Variants in RBFOX1 observed in about 807,000 individuals in gnomAD.
The protein encoded by RBFOX1 is RNA binding protein fox-1 homolog 1.
RBFOX1 carries 8 observed loss-of-function variants against 57.7 expected under a neutral mutation model. The observed-to-expected ratio is 0.14, with a 90% confidence interval of 0.08 to 0.25. RBFOX1 has a LOEUF of 0.25. RBFOX1 is among the 10% of genes least tolerant of loss of function. The pLI is 1.00. For missense variants in RBFOX1, 611 were observed against 548.5 expected (o/e 1.11, Z -1.14); for synonymous variants, 326 against 222.4 (o/e 1.47, Z -4.15).
intron 3 of RBFOX1, among the ~76,000 whole-genome samples, chr16:5,749,742 C>G (rs2053122686): frequency 6.6e-6 from 1 of 152,160 alleles, no homozygotes; most frequent in Admixed American, 6.6e-5. Context: ...CTTCTCTACA[C>G]TGGTTATTCT....
At chr16:5,276,610 C>G (rs755498254) in intron 1 of RBFOX1, among the ~76,000 whole-genome samples, 1 of 152,024 alleles carries the variant, frequency 6.6e-6, no homozygotes, top group Non-Finnish European at 1.5e-5. Flanking sequence ...TGGTGAAACC[C>G]CGTCTCTACT....
intron 1 of RBFOX1, among the ~76,000 whole-genome samples, chr16:5,372,822 T>A (rs2151375665): frequency 6.6e-6 from 1 of 152,308 alleles, no homozygotes; most frequent in South Asian, 2.1e-4. Flanking sequence ...ACCCGCACAA[T>A]ACCATCTCAT....
At chr16:6,219,151 G>T (rs1017358668) in intron 1 of RBFOX1, among the ~76,000 whole-genome samples, 2 of 152,182 alleles carry the variant, frequency 1.3e-5, no homozygotes, top group African/African-American at 4.8e-5. Context: ...TATATGTCTA[G>T]CACCAGCCCT....
chr16:5,771,937 G>T (rs1022059043), intron 3 of RBFOX1, among the ~76,000 whole-genome samples: 2 of 152,192 alleles, frequency 1.3e-5, no homozygotes, highest in Non-Finnish European at 2.9e-5. Context: ...ACTTTGGGAG[G>T]TCGAGGGGGG....
At chr16:5,909,727 C>G (rs1421289051) in intron 4 of RBFOX1, among the ~76,000 whole-genome samples, 1 of 152,148 alleles carries the variant, frequency 6.6e-6, no homozygotes, top group Non-Finnish European at 1.5e-5. Context: ...GGAACAAGCC[C>G]AGCCCTGGTA....
chr16:6,637,139 A>G (rs1401154475), intron 2 of RBFOX1, among the ~76,000 whole-genome samples: 7 of 92,812 alleles, frequency 7.5e-5, no homozygotes, highest in African/African-American at 3.3e-4. Context: ...TATATATTAA[A>G]TATATAATAT....
Position 6,160,310 on chromosome 16 carries a change from G to A in RBFOX1, c.-127+140318G>A, listed in dbSNP as rs141050485. On this transcript the variant is annotated intron_variant, in intron 1 of 15. Transcript: ENST00000550418. ...GAGGTGTATGCAACATGATATTGTA[G>A]GATATATATAGATAGTAAAGTGGTT... Among the ~76,000 whole-genome samples the A allele has an allele frequency of 4.2e-3, 636 of 152,168 alleles. 1 individual carries two copies. The highest frequency in any genetic ancestry group is 0.015 in the African/African-American group (619 of 41,492).
At chr16:7,008,312 C>T (rs920300189) in intron 3 of RBFOX1, among the ~76,000 whole-genome samples, 1 of 152,058 alleles carries the variant, frequency 6.6e-6, no homozygotes, top group Non-Finnish European at 1.5e-5. Context: ...GAGACTGAGG[C>T]AGGTGGATCA....
chr16:6,789,642 G>C (rs1410330494), intron 3 of RBFOX1, among the ~76,000 whole-genome samples: 1 of 152,278 alleles, frequency 6.6e-6, no homozygotes, highest in African/African-American at 2.4e-5. Context: ...TTACATTTGT[G>C]TGCATTGGTG....
intron 3 of RBFOX1, among the ~76,000 whole-genome samples, chr16:6,888,879 A>C (rs905872311): frequency 5.9e-5 from 9 of 152,104 alleles, no homozygotes; most frequent in Non-Finnish European, 1.0e-4. Flanking sequence ...CCTCCTCCCC[A>C]AAAAAGAATT....
chr16:7,340,287 T>G (rs2096868348), intron 4 of RBFOX1, among the ~76,000 whole-genome samples: 1 of 152,210 alleles, frequency 6.6e-6, no homozygotes, highest in African/African-American at 2.4e-5. Flanking sequence ...CCCCATAACT[T>G]TGCACACACC....
In RBFOX1 at chr16:7,706,501, A is replaced by G. The variant is rs73498765; in HGVS notation, c.996-2555A>G. Reference sequence around the variant, plus strand: ...AAAAGGTGGGAGCTACGCTTTTATTAAATACATTCAAATTGCCCATATAGT... The same window carrying G: ...AAAAGGTGGGAGCTACGCTTTTATTGAATACATTCAAATTGCCCATATAGT... On this transcript the variant is annotated intron_variant, in intron 14 of 15. Coordinates refer to ENST00000550418, the MANE Select transcript of RBFOX1 (RefSeq NM_018723.4). Among the ~76,000 whole-genome samples the G allele has an allele frequency of 5.3e-5, 8 of 152,228 alleles. No homozygotes were observed. The East Asian group carries it at 7.7e-4, about 15-fold the overall frequency.
chr16:5,950,660 C>A (rs1460240050), intron 4 of RBFOX1, among the ~76,000 whole-genome samples: 1 of 152,220 alleles, frequency 6.6e-6, no homozygotes, highest in African/African-American at 2.4e-5. Context: ...TTTGCACTTA[C>A]CTGGCCAAGC....
chr16:6,836,698 A>G (rs896707418), intron 3 of RBFOX1, among the ~76,000 whole-genome samples: 2 of 152,182 alleles, frequency 1.3e-5, no homozygotes, highest in Non-Finnish European at 2.9e-5. Context: ...TGTGTGGACT[A>G]TGATAGCTCC....
At chr16:5,975,194 C>G (rs7202522) in intron 4 of RBFOX1, among the ~76,000 whole-genome samples, 11,801 of 152,192 alleles carry the variant, frequency 0.078, 640 homozygotes, top group African/African-American at 0.16. Flanking sequence ...GCTGACTCCT[C>G]TTTCTCGATG....
chr16:7,618,445 C>A (rs2058805907), intron 10 of RBFOX1, among the ~76,000 whole-genome samples: 1 of 152,022 alleles, frequency 6.6e-6, no homozygotes, highest in Admixed American at 6.5e-5. Context: ...GTGCCTAGGA[C>A]AAAGGCTATT....
chr16:5,832,795 C>T (rs1447771510), intron 3 of RBFOX1, among the ~76,000 whole-genome samples: 1 of 152,182 alleles, frequency 6.6e-6, no homozygotes, highest in East Asian at 1.9e-4. Context: ...GTTCTGGAAG[C>T]TGACTTTCCT....
intron 3 of RBFOX1, among the ~76,000 whole-genome samples, chr16:5,739,731 A>G (rs2052708685): frequency 6.6e-6 from 1 of 152,208 alleles, no homozygotes; most frequent in African/African-American, 2.4e-5. Context: ...TGGGACAGGA[A>G]ATCCTGTGTT....
chr16:6,896,271 A>G (rs1472018920), intron 3 of RBFOX1, among the ~76,000 whole-genome samples: 3 of 152,206 alleles, frequency 2.0e-5, no homozygotes, highest in Admixed American at 6.5e-5. Flanking sequence ...AAAACAAAAC[A>G]TAAAACAGTT....
Sources: gnomAD v4.1 joint callset for allele counts (sites outside exome capture counted in the v4.1 genomes callset) on GRCh38, gnomAD v4.1.1 for gene constraint, MANE v1.5 for transcripts, NCBI Gene and HGNC (gene_info 2026-07-23, HGNC 2026-07-21) for gene names.